ADK: variants seen among roughly 807,000 people sequenced by gnomAD.
The protein encoded by ADK is N6,N6-dimethyladenosine kinase.
Under a neutral mutation model 44.7 loss-of-function variants are expected in ADK, and 24 were observed. That is an observed-to-expected ratio of 0.54 (90% confidence interval 0.39 to 0.76). ADK has a LOEUF of 0.76. Among genes scored for constraint, ADK ranks in the 30% least tolerant of loss-of-function variants. The pLI is 0.00. For missense variants in ADK, 321 were observed against 425.1 expected (o/e 0.76, Z 2.15); for synonymous variants, 128 against 142.6 (o/e 0.90, Z 0.73).
At chr10:74,665,367 T>C (rs967391253) in intron 9 of ADK, among the ~76,000 whole-genome samples, 1 of 152,208 alleles carries the variant, frequency 6.6e-6, no homozygotes, top group Non-Finnish European at 1.5e-5. Flanking sequence ...GTTTTTACCA[T>C]CACTTTTCTG....
At chr10:74,382,544 A>G (rs1186005015) in intron 4 of ADK, among the ~76,000 whole-genome samples, 1 of 152,178 alleles carries the variant, frequency 6.6e-6, no homozygotes, top group Non-Finnish European at 1.5e-5. Context: ...ACACCATACC[A>G]GGTGCTGTGT....
chr10:74,572,832 G>C (rs375457030), intron 7 of ADK, among the ~76,000 whole-genome samples: 2 of 151,986 alleles, frequency 1.3e-5, no homozygotes, highest in Non-Finnish European at 2.9e-5. Flanking sequence ...CGTAGTTCTC[G>C]AGCCTTGGCT....
intron 4 of ADK, among the ~76,000 whole-genome samples, chr10:74,370,367 A>C (rs1430240730): frequency 6.6e-6 from 1 of 152,316 alleles, no homozygotes; most frequent in East Asian, 1.9e-4. Flanking sequence ...TTTAATCCTA[A>C]GATGAATCCA....
chr10:74,270,274 A>G (rs1295079418), intron 3 of ADK, among the ~76,000 whole-genome samples: 1 of 152,242 alleles, frequency 6.6e-6, no homozygotes, highest in Non-Finnish European at 1.5e-5. Flanking sequence ...AAAATATTCA[A>G]TACATTTAAA....
intron 6 of ADK, among the ~76,000 whole-genome samples, chr10:74,436,835 G>T (rs938530437): frequency 4.6e-5 from 7 of 152,064 alleles, no homozygotes; most frequent in African/African-American, 7.2e-5. Flanking sequence ...GAATCTAGGG[G>T]TAATCAAATT....
intron 2 of ADK, among the ~76,000 whole-genome samples, chr10:74,219,124 A>G (rs1049017503): frequency 5.3e-5 from 8 of 152,208 alleles, no homozygotes; most frequent in Non-Finnish European, 1.0e-4. Context: ...CAGGAAACTC[A>G]TCTCACATGC....
chr10:74,471,533 C>A (rs1470647167), intron 6 of ADK, among the ~76,000 whole-genome samples: 1 of 151,892 alleles, frequency 6.6e-6, no homozygotes, highest in Non-Finnish European at 1.5e-5. Context: ...TCTATATCTG[C>A]AAAAAAATGT....
At chr10:74,533,333 A>C (rs1437299070) in intron 7 of ADK, among the ~76,000 whole-genome samples, 1 of 152,192 alleles carries the variant, frequency 6.6e-6, no homozygotes, top group Non-Finnish European at 1.5e-5. Context: ...GAGTAGCCAA[A>C]CCAACGTGGA....
chr10:74,297,140 C>T (rs1045793112), intron 3 of ADK, among the ~76,000 whole-genome samples: 7 of 152,058 alleles, frequency 4.6e-5, no homozygotes, highest in Non-Finnish European at 7.4e-5. Context: ...TTTTATTAAA[C>T]GAGTTTGTGG....
intron 3 of ADK, among the ~76,000 whole-genome samples, chr10:74,300,747 T>A (rs1355030914): frequency 5.1e-4 from 77 of 152,318 alleles, no homozygotes; most frequent in Non-Finnish European, 2.4e-4. Context: ...GTAAAGTTAT[T>A]TGACAGCAGC....
chr10:74,656,184 T>A (rs1854481403), intron 9 of ADK: 1 of 262,902 alleles, frequency 3.8e-6, no homozygotes, highest in South Asian at 6.2e-5. Flanking sequence ...CCAGACATTT[T>A]GTTCTCGAAT....
At chr10:74,393,760 A>G (rs893265487) in intron 4 of ADK, among the ~76,000 whole-genome samples, 1 of 152,212 alleles carries the variant, frequency 6.6e-6, no homozygotes, top group Non-Finnish European at 1.5e-5. Flanking sequence ...AGTAAGTGGC[A>G]GAAGCAAGAT....
At chr10:74,251,185 A>G (rs965516019) in intron 3 of ADK, among the ~76,000 whole-genome samples, 1 of 152,224 alleles carries the variant, frequency 6.6e-6, no homozygotes, top group Non-Finnish European at 1.5e-5. Context: ...GGTTGAGGGA[A>G]GCAATGAATT....
chr10:74,327,865 A>C (rs1182487545), intron 4 of ADK, among the ~76,000 whole-genome samples: 1 of 152,170 alleles, frequency 6.6e-6, no homozygotes, highest in Non-Finnish European at 1.5e-5. Flanking sequence ...ATTGCTAAAA[A>C]TGTTTAATAA....
chr10:74,184,049 C>T (rs1342647399), intron 1 of ADK, among the ~76,000 whole-genome samples: 1 of 152,074 alleles, frequency 6.6e-6, no homozygotes, highest in East Asian at 1.9e-4. Flanking sequence ...TCCCGAGTAG[C>T]TGGGATTACA....
At chr10:74,259,117 G>A (rs947823026) in intron 3 of ADK, among the ~76,000 whole-genome samples, 2 of 151,336 alleles carry the variant, frequency 1.3e-5, no homozygotes, top group Non-Finnish European at 2.9e-5. Flanking sequence ...GCTAATTTTT[G>A]TATTTTTAGT....
chr10:74,646,422 C>T (rs1428917615), intron 9 of ADK, among the ~76,000 whole-genome samples: 4 of 152,078 alleles, frequency 2.6e-5, no homozygotes, highest in Non-Finnish European at 2.9e-5. Flanking sequence ...ATGAGTAATT[C>T]GATGTTTGCT....
chr10:74,600,163 C>T (rs549690907), intron 8 of ADK, among the ~76,000 whole-genome samples: 42 of 152,208 alleles, frequency 2.8e-4, no homozygotes, highest in Non-Finnish European at 5.1e-4. Context: ...TAAGATTCAT[C>T]ATACATTTTA....
At chr10:74,290,078 G>GCACACACACA (rs1554838780) in intron 3 of ADK, among the ~76,000 whole-genome samples, 11 of 149,122 alleles carry the variant, frequency 7.4e-5, no homozygotes, top group Admixed American at 4.0e-4. Context: ...CTACTCACGC[G>GCACACACACA]CACACACACA....
Sources: gnomAD v4.1 joint callset for allele counts (sites outside exome capture counted in the v4.1 genomes callset) on GRCh38, gnomAD v4.1.1 for gene constraint, MANE v1.5 for transcripts, NCBI Gene and HGNC (gene_info 2026-07-23, HGNC 2026-07-21) for gene names.